The following KALRN variants were observed in gnomAD, a reference collection of about 807,000 sequenced individuals.
KALRN encodes the protein kalirin.
Under a neutral mutation model 353.7 loss-of-function variants are expected in KALRN, and 70 were observed. That is an observed-to-expected ratio of 0.20 (90% CI 0.16 to 0.24). The LOEUF (loss-of-function observed/expected upper bound fraction) is 0.24, where lower values mean the gene tolerates loss of function less well. Ranked by LOEUF, KALRN falls within the 10% of genes least tolerant of loss-of-function variation. KALRN has a pLI of 1.00. For synonymous variants in KALRN, 1,391 were observed against 1,434.8 expected (o/e 0.97, Z 0.69); for missense variants, 2,791 against 3,756.7 (o/e 0.74, Z 6.72).
intron 34 of KALRN, among the ~76,000 whole-genome samples, chr3:124,602,919 C>T (rs561241211): frequency 5.7e-5 from 8 of 140,728 alleles, no homozygotes; most frequent in African/African-American, 2.1e-4. Flanking sequence ...CTGCTGGCCC[C>T]AGTTAATTCC....
At chr3:124,562,291 G>A (rs1243290008) in intron 33 of KALRN, among the ~76,000 whole-genome samples, 3 of 152,302 alleles carry the variant, frequency 2.0e-5, no homozygotes, top group South Asian at 4.1e-4. Flanking sequence ...GATGGGAGGT[G>A]TTGCAGGGGT....
intron 19 of KALRN, 35 bp downstream of exon 19, chr3:124,442,094 C>T: frequency 7.5e-7 from 1 of 1,333,554 alleles, no homozygotes; most frequent in Non-Finnish European, 1.1e-6. Context: ...CCAGTCACTT[C>T]AGCGACAGCC....
At chr3:124,563,776 G>A (rs1218075551) in intron 34 of KALRN, among the ~76,000 whole-genome samples, 1 of 152,112 alleles carries the variant, frequency 6.6e-6, no homozygotes, top group Admixed American at 6.5e-5. Flanking sequence ...ATATCAGCAT[G>A]CCCTGGGAAC....
At chr3:124,519,124 C>G in intron 33 of KALRN, 1 of 985,606 alleles carries the variant, frequency 1.0e-6, no homozygotes, top group Non-Finnish European at 1.2e-6. Flanking sequence ...ACCTCACTCC[C>G]TCCCGAGGTC....
chr3:124,689,173 T>G (rs1370010337), intron 51 of KALRN, among the ~76,000 whole-genome samples: 4 of 152,246 alleles, frequency 2.6e-5, no homozygotes, highest in Admixed American at 6.5e-5. Flanking sequence ...AACAATGTCA[T>G]CTTTCCTCCA....
intron 57 of KALRN, among the ~76,000 whole-genome samples, chr3:124,703,207 G>C (rs913790091): frequency 7.2e-5 from 11 of 152,084 alleles, no homozygotes; most frequent in Admixed American, 5.9e-4. Flanking sequence ...TTAGGCAGGA[G>C]TCACAATATC....
intron 6 of KALRN, among the ~76,000 whole-genome samples, chr3:124,318,356 G>A (rs1181649444): frequency 6.6e-6 from 1 of 152,222 alleles, no homozygotes; most frequent in Non-Finnish European, 1.5e-5. Flanking sequence ...GCAGAAGTTG[G>A]AGGTTTCCTT....
In KALRN at chr3:124,491,356, G is replaced by A; in HGVS notation, c.4621G>A (p.Gly1541Ser). ...SELGVTEHVE[G>S]DPCKFALWSG... is the part of the protein sequence containing the mutation. Reference sequence around the variant, plus strand: ...GCTGGGTGTGACCGAGCACGTGGAGGGCGATCCCTGCAAATTCGCCTTGTG... The same window carrying A: ...GCTGGGTGTGACCGAGCACGTGGAGAGCGATCCCTGCAAATTCGCCTTGTG... The change falls in exon 31 of 60, where the codon GGC becomes AGC. Residue 1541 changes from glycine to serine, a missense_variant. Physicochemically the swap from Gly to Ser is moderately conservative, Grantham distance 56. Transcript: ENST00000682506. 2 of 1,609,434 alleles carry A rather than the reference G, an allele frequency of 1.2e-6. No homozygotes were observed. Among genetic ancestry groups the A allele is most frequent in the Non-Finnish European group, 1.7e-6 (2 of 1,177,592 alleles).
At chr3:124,401,555 C>T (rs766039981) in intron 13 of KALRN, among the ~76,000 whole-genome samples, 3 of 152,066 alleles carry the variant, frequency 2.0e-5, no homozygotes, top group Non-Finnish European at 4.4e-5. Flanking sequence ...CATTCTTTAG[C>T]CTTTGTATGT....
intron 28 of KALRN, among the ~76,000 whole-genome samples, chr3:124,486,118 A>G (rs2062543232): frequency 6.6e-6 from 1 of 152,198 alleles, no homozygotes. Flanking sequence ...TTCTTCATGT[A>G]AATCTGCTGT....
chr3:124,076,756 G>A (rs2060280135), intron 1 of KALRN, among the ~76,000 whole-genome samples: 1 of 152,196 alleles, frequency 6.6e-6, no homozygotes, highest in African/African-American at 2.4e-5. Flanking sequence ...GGGGTGGTGG[G>A]GACTGTGGCA....
At position 124,661,904 on chromosome 3, in the gene KALRN, T is replaced by C. The variant is rs745825309; in HGVS notation, c.6321T>C (p.Asn2107=). Residue 2107 remains asparagine, a synonymous_variant, in exon 45 of 60, where the codon AAT becomes AAC. Transcript: ENST00000682506. ...CCAAACGCTGCAATGACATGATGAA[T>C]CTAGGACGTCTGCAGGGCTTTGAGG... is the stretch of plus-strand genomic sequence containing the variant. The part of the protein sequence containing the change: ...LVPKRCNDMM[N]LGRLQGFEGT... 1.6e-5 allele frequency: 25 copies of C among 1,612,806 alleles called. No individual in the cohort carries two copies. Among genetic ancestry groups the C allele is most frequent in the South Asian group, 9.9e-5 (9 of 91,074 alleles).
chr3:124,554,457 A>G (rs2070954716), intron 33 of KALRN, among the ~76,000 whole-genome samples: 1 of 152,208 alleles, frequency 6.6e-6, no homozygotes, highest in Non-Finnish European at 1.5e-5. Context: ...CAACTCATCT[A>G]TGAAATGTCT....
intron 34 of KALRN, among the ~76,000 whole-genome samples, chr3:124,622,960 A>G (rs1249657667): frequency 6.6e-6 from 1 of 152,140 alleles, no homozygotes; most frequent in African/African-American, 2.4e-5. Context: ...TGAAGTAAGT[A>G]TGAGTTGAAA....
intron 6 of KALRN, 113 bp downstream of exon 6, chr3:124,299,026 C>T (rs2077062463): frequency 7.2e-7 from 1 of 1,381,646 alleles, no homozygotes; most frequent in Admixed American, 1.8e-5. Context: ...AACATGCTGA[C>T]CCTTTGGTGT....
chr3:124,668,166 G>C (rs2085912772), intron 47 of KALRN, among the ~76,000 whole-genome samples: 1 of 151,706 alleles, frequency 6.6e-6, no homozygotes, highest in Non-Finnish European at 1.5e-5. Context: ...GTGCTCACAG[G>C]AGCGCACACA....
intron 1 of KALRN, among the ~76,000 whole-genome samples, chr3:124,104,674 A>G (rs148351739): frequency 4.7e-4 from 71 of 152,310 alleles, no homozygotes; most frequent in Middle Eastern, 6.8e-3. Context: ...CTGGGTTCAT[A>G]TGGTTTAAGG....
At chr3:124,329,524 A>G (rs2080285620) in intron 7 of KALRN, among the ~76,000 whole-genome samples, 1 of 152,136 alleles carries the variant, frequency 6.6e-6, no homozygotes, top group Non-Finnish European at 1.5e-5. Context: ...AAGAAGCTCT[A>G]ATGTATCCGT....
At chr3:124,332,926 C>T (rs149326951) in intron 8 of KALRN, among the ~76,000 whole-genome samples, 103 of 152,136 alleles carry the variant, frequency 6.8e-4, no homozygotes, top group African/African-American at 2.5e-3. Context: ...TGTTCTCATG[C>T]CGCTAATAAA....
Sources: gnomAD v4.1 joint callset for allele counts (sites outside exome capture counted in the v4.1 genomes callset) on GRCh38, gnomAD v4.1.1 for gene constraint, MANE v1.5 for transcripts, NCBI Gene and HGNC (gene_info 2026-07-23, HGNC 2026-07-21) for gene names.